NEK10: variants seen among roughly 807,000 people sequenced by gnomAD.
NEK10 encodes NIMA related kinase 10.
NEK10 carries 122 observed loss-of-function variants against 159.8 expected under a neutral mutation model. The ratio of observed to expected loss-of-function variants is 0.76; its 90% CI spans 0.66 to 0.89. The LOEUF (loss-of-function observed/expected upper bound fraction) is 0.89. Among genes scored for constraint, NEK10 ranks in the 40% least tolerant of loss-of-function variants. The pLI, the probability that NEK10 is intolerant of heterozygous loss-of-function variation, is 0.00. For missense variants in NEK10, 1,342 were observed against 1,323.1 expected, an observed-to-expected ratio of 1.01 and a Z score of -0.22; for synonymous variants, 466 against 457.1, an observed-to-expected ratio of 1.02 and a Z score of -0.25.
In NEK10 at chr3:27,352,939, G is replaced by A. The variant is rs1359294851; in HGVS notation, c.-37-20C>T. 2.3e-5 allele frequency: 31 copies of A among 1,359,110 alleles called. No homozygotes were observed. The highest frequency in any genetic ancestry group is 7.2e-5 in the Admixed American group (4 of 55,780). The allele number at this position is 1,359,110 out of a possible 1,614,324, so 84.2% of individuals were successfully genotyped here. On this transcript the variant is annotated intron_variant, in intron 1 of 35. Transcript: ENST00000691995. The stretch of plus-strand genomic sequence containing the variant: ...GCATTCCTTTAAAATTAAACCAGAG[G>A]GAAAATTTTAGTTGGGTTGCGTGTG...
Position 27,115,937 on chromosome 3 carries a change from T to TACCTG in NEK10, c.3297_3299+2dup, listed in dbSNP as rs1940350352. The TACCTG allele has an allele frequency of 1.2e-6, 2 of 1,607,390 alleles. No individual in the cohort carries two copies. Among genetic ancestry groups the TACCTG allele is most frequent in the African/African-American group, 2.7e-5 (2 of 74,924 alleles). On this transcript the variant is annotated splice_region_variant and intron_variant, in intron 35 of 35. Transcript: ENST00000691995. ...ACAATTGAAGGCAAACTCTAGCTCT[T>TACCTG]ACCTGTTAGATGTAAAATTGTAATA...
chr3:27,150,195 G>C (rs145324021), intron 30 of NEK10, among the ~76,000 whole-genome samples: 125 of 152,306 alleles, frequency 8.2e-4, no homozygotes, highest in African/African-American at 2.9e-3. Context: ...AGCTGTAAAT[G>C]CTGATATAGA....
In NEK10 at chr3:27,344,298, G is replaced by T; in HGVS notation, c.336C>A (p.Ala112=). The T allele has an allele frequency of 6.3e-7, 1 of 1,593,568 alleles. No homozygotes were observed. Among genetic ancestry groups the T allele is most frequent in the Non-Finnish European group, 8.6e-7 (1 of 1,165,184 alleles). The change falls in exon 5 of 36, where the codon GCC becomes GCA. Residue 112 remains alanine (A), a synonymous_variant. Transcript: ENST00000691995. ...TGCTTATGAGTCTATTTTTCACCAAGGCGGTAAAGATCTCCTGAAATAGTT... is the reference window on the plus strand; with the variant it reads ...TGCTTATGAGTCTATTTTTCACCAATGCGGTAAAGATCTCCTGAAATAGTT... ...QRKLFQEIFT[A]LVKNRLISRE...
intron 23 of NEK10, among the ~76,000 whole-genome samples, chr3:27,228,647 T>C (rs769436352): frequency 3.9e-5 from 6 of 152,058 alleles, no homozygotes; most frequent in African/African-American, 7.2e-5. Context: ...CATCAACCTA[T>C]AGACAGCCTT....
Position 27,322,275 on chromosome 3 carries a change from A to T in NEK10, c.363-14T>A. 6.9e-7 allele frequency: 1 copy of T among 1,446,826 alleles called. No individual in the cohort carries two copies. The highest frequency in any genetic ancestry group is 2.4e-5 in the East Asian group (1 of 40,824). The allele number at this position is 1,446,826 out of a possible 1,614,324, so 89.6% of individuals were successfully genotyped here. On this transcript the variant is annotated splice_polypyrimidine_tract_variant and intron_variant, in intron 5 of 35. Transcript: ENST00000691995. Reference sequence around the variant, plus strand: ...TTAACCCACTCTCTGAAAGAAGAAAACAAGAGAACATGTTCACGTTTAAAA... The same window carrying T: ...TTAACCCACTCTCTGAAAGAAGAAATCAAGAGAACATGTTCACGTTTAAAA...
chr3:27,111,574 C>A (rs1939545853), intron 35 of NEK10, among the ~76,000 whole-genome samples: 1 of 152,080 alleles, frequency 6.6e-6, no homozygotes, highest in Non-Finnish European at 1.5e-5. Flanking sequence ...AATATTCATT[C>A]AAAATAGCTT....
At chr3:27,204,607 A>T (rs1162046081) in intron 23 of NEK10, among the ~76,000 whole-genome samples, 1 of 117,800 alleles carries the variant, frequency 8.5e-6, no homozygotes, top group Non-Finnish European at 1.7e-5. Context: ...ATGATTTCCA[A>T]TTTCATCCAT....
At chr3:27,205,998 A>G (rs1435350638) in intron 23 of NEK10, among the ~76,000 whole-genome samples, 2 of 152,130 alleles carry the variant, frequency 1.3e-5, no homozygotes, top group Non-Finnish European at 2.9e-5. Flanking sequence ...CAATGAACTC[A>G]AACAAATTTA....
Position 27,174,837 on chromosome 3 carries a change from G to A in NEK10, c.2506-4C>T. On this transcript the variant is annotated splice_polypyrimidine_tract_variant and splice_region_variant and intron_variant, in intron 26 of 35. Coordinates refer to ENST00000691995, the MANE Select transcript of NEK10 (RefSeq NM_001394966.1). ...AACTTGCCTTCTCAAAGGTCTCCTG[G>A]AAAGAGAAATTCAGTTTTTCATAGC... 6.4e-7 allele frequency: 1 copy of A among 1,566,184 alleles called. No homozygotes were observed.
intron 1 of NEK10, 34 bp from the exon 2 acceptor site, chr3:27,352,953 G>A: frequency 8.9e-7 from 1 of 1,129,480 alleles, no homozygotes; most frequent in East Asian, 2.4e-5. Context: ...AATTTTAGTT[G>A]GGTTGCGTGT....
chr3:27,252,597 G>A (rs983663037), intron 23 of NEK10, among the ~76,000 whole-genome samples: 3 of 152,160 alleles, frequency 2.0e-5, no homozygotes, highest in Non-Finnish European at 4.4e-5. Flanking sequence ...AATCATAATT[G>A]CTTATCACAA....
Position 27,288,487 on chromosome 3 carries a change from A to G in NEK10, c.1744-744T>C, listed in dbSNP as rs565599563. Among the ~76,000 whole-genome samples, 47 of 152,224 alleles carry G rather than the reference A, an allele frequency of 3.1e-4. No homozygotes were observed. The South Asian group carries it at 7.5e-3, about 24-fold the overall frequency. ...ACCAAGTTCCTCTTAGTAAACTTCCATCCACTGACCCTCCCTCACCCTGAC... is the reference window on the plus strand; with the variant it reads ...ACCAAGTTCCTCTTAGTAAACTTCCGTCCACTGACCCTCCCTCACCCTGAC... On this transcript the variant is annotated intron_variant, in intron 19 of 35. Transcript: ENST00000691995.
At chr3:27,321,165 T>TA (rs11456881) in intron 6 of NEK10, among the ~76,000 whole-genome samples, 59,337 of 147,228 alleles carry the variant, frequency 0.4, 15,122 homozygotes, top group African/African-American at 0.75. Flanking sequence ...CTTTTTCAGT[T>TA]AAAAAAAAAA....
At position 27,119,817 on chromosome 3, in the gene NEK10, A is replaced by C; in HGVS notation, c.3133T>G (p.Tyr1045Asp). Residue 1045 changes from tyrosine to aspartate, a missense_variant, in exon 33 of 36, where the codon TAC (tyrosine) becomes GAC (aspartate). Transcript: ENST00000691995. ...PIEPNFFTAD[Y>D]HLLHRSSGGN... is the part of the protein sequence containing the mutation. The stretch of plus-strand genomic sequence containing the variant: ...CCGGATGAACGATGTAATAAATGGT[A>C]ATCTGCTGTGAAAAAGTTGGGCTCA... 6.2e-7 allele frequency: 1 copy of C among 1,614,012 alleles called. No individual in the cohort carries two copies. Among genetic ancestry groups the C allele is most frequent in the Non-Finnish European group, 8.5e-7 (1 of 1,179,896 alleles).
At chr3:27,315,798 G>A (rs1311293520) in intron 6 of NEK10, among the ~76,000 whole-genome samples, 1 of 152,200 alleles carries the variant, frequency 6.6e-6, no homozygotes, top group African/African-American at 2.4e-5. Flanking sequence ...TACATGCAGT[G>A]TTACGAGGCG....
chr3:27,206,251 A>G (rs1001796440), intron 23 of NEK10, among the ~76,000 whole-genome samples: 1 of 152,196 alleles, frequency 6.6e-6, no homozygotes, highest in Non-Finnish European at 1.5e-5. Context: ...AGCACTAGTG[A>G]CTAGTAGAAG....
chr3:27,254,164 T>A (rs1234332409), intron 23 of NEK10, among the ~76,000 whole-genome samples: 1 of 152,232 alleles, frequency 6.6e-6, no homozygotes, highest in Non-Finnish European at 1.5e-5. Context: ...AAATCTTTTT[T>A]AAAACATTAT....
At chr3:27,347,928 C>T (rs1477578625) in intron 3 of NEK10, among the ~76,000 whole-genome samples, 1 of 152,108 alleles carries the variant, frequency 6.6e-6, no homozygotes, top group Non-Finnish European at 1.5e-5. Flanking sequence ...GTATATAACT[C>T]TAGGGTTATG....
At chr3:27,212,275 A>G (rs931909227) in intron 23 of NEK10, among the ~76,000 whole-genome samples, 1 of 152,252 alleles carries the variant, frequency 6.6e-6, no homozygotes, top group Non-Finnish European at 1.5e-5. Flanking sequence ...TTTAACAGAT[A>G]GCTAACGCAT....
Sources: allele counts gnomAD v4.1 joint callset (sites outside exome capture counted in the v4.1 genomes callset), GRCh38; gene constraint gnomAD v4.1.1; transcripts MANE v1.5; gene names NCBI Gene and HGNC (gene_info 2026-07-23, HGNC 2026-07-21).